MAP2: variants seen among roughly 807,000 people sequenced by gnomAD.
MAP2 encodes microtubule-associated protein 2.
MAP2 carries 14 observed loss-of-function variants against 137.6 expected under a neutral mutation model. That is an observed-to-expected ratio of 0.10 (90% confidence interval 0.07 to 0.16). The LOEUF is 0.16. Among genes scored for constraint, MAP2 ranks in the 10% least tolerant of loss-of-function variants. The pLI, the probability that MAP2 is intolerant of heterozygous loss-of-function variation, is 1.00. For synonymous variants in MAP2, 786 were observed against 782.3 expected (o/e 1.00, Z -0.08); for missense variants, 2,088 against 2,191.5 (o/e 0.95, Z 0.94).
chr2:209,639,392 T>C (rs980754726), intron 4 of MAP2, among the ~76,000 whole-genome samples: 4 of 152,062 alleles, frequency 2.6e-5, no homozygotes, highest in African/African-American at 9.7e-5. Flanking sequence ...GAGGATTAGG[T>C]TTTGTTTTAA....
At chr2:209,509,414 A>T (rs1348552405) in intron 2 of MAP2, among the ~76,000 whole-genome samples, 3 of 151,954 alleles carry the variant, frequency 2.0e-5, no homozygotes, top group African/African-American at 7.2e-5. Context: ...TGTACATATA[A>T]ATGGAAACAT....
intron 2 of MAP2, among the ~76,000 whole-genome samples, chr2:209,563,363 C>CA (rs146923921): frequency 0.02 from 2,992 of 152,116 alleles, 96 homozygotes; most frequent in African/African-American, 0.068. Context: ...AAAGTAACGG[C>CA]AAAAAATGCA....
chr2:209,598,543 AC>A (rs2082024861), intron 3 of MAP2, among the ~76,000 whole-genome samples: 3 of 148,786 alleles, frequency 2.0e-5, no homozygotes, highest in Non-Finnish European at 4.5e-5. Flanking sequence ...GGTGCGCTGC[AC>A]CCACTAACTC....
At position 209,696,591 on chromosome 2, in the gene MAP2, G is replaced by A. The variant is rs749672388; in HGVS notation, c.4230G>A (p.Glu1410=). The A allele has an allele frequency of 3.1e-6, 5 of 1,613,844 alleles. No homozygotes were observed. The highest frequency in any genetic ancestry group is 4.2e-6 in the Non-Finnish European group (5 of 1,179,938). The change falls in exon 9 of 16, where the codon GAG becomes GAA. Residue 1410 remains glutamate (E), a synonymous_variant. Coordinates refer to ENST00000682079, the MANE Select transcript of MAP2 (RefSeq NM_001375505.1). ...AACAGTTAGAAACTATTCCTAAAGA[G>A]GAGAAAGCTGAAAAGGAAGCTCGGA... ...MTEQLETIPK[E]EKAEKEARRS...
At chr2:209,727,245 C>G (rs968737385) in intron 14 of MAP2, among the ~76,000 whole-genome samples, 1 of 152,196 alleles carries the variant, frequency 6.6e-6, no homozygotes, top group Non-Finnish European at 1.5e-5. Context: ...TACTTCATAT[C>G]TTTGAAATTC....
intron 5 of MAP2, among the ~76,000 whole-genome samples, chr2:209,674,235 C>T (rs2050210378): frequency 6.6e-6 from 1 of 151,816 alleles, no homozygotes; most frequent in African/African-American, 2.4e-5. Context: ...ATCACTATTG[C>T]TCTTTCTTTA....
chr2:209,663,785 A>G (rs766792526), intron 5 of MAP2, among the ~76,000 whole-genome samples: 2 of 152,196 alleles, frequency 1.3e-5, no homozygotes, highest in East Asian at 1.9e-4. Context: ...GGTTCTTGCA[A>G]AGCATCTCCA....
chr2:209,704,842 A>T (rs1017000049), intron 11 of MAP2, among the ~76,000 whole-genome samples: 2 of 151,790 alleles, frequency 1.3e-5, no homozygotes, highest in Non-Finnish European at 2.9e-5. Context: ...TAGATATGCT[A>T]CCCATTATTA....
In MAP2 at chr2:209,627,385, G is replaced by A. The variant is rs528577570; in HGVS notation, c.-30+2256G>A. Among the ~76,000 whole-genome samples the A allele has an allele frequency of 3.5e-3, 536 of 152,170 alleles. 6 individuals carry two copies. Among genetic ancestry groups the A allele is most frequent in the African/African-American group, 0.012 (508 of 41,520 alleles). ...TTTTCTGAGAGAAGTAAATTATTTC[G>A]TCAAAGTTGGGGGAGGAAGAGGAAT... On this transcript the variant is annotated intron_variant, in intron 4 of 15. Transcript: ENST00000682079.
chr2:209,564,556 TAAA>T (rs757367849), intron 2 of MAP2, among the ~76,000 whole-genome samples: 22 of 56,002 alleles, frequency 3.9e-4, no homozygotes, highest in Admixed American at 2.0e-3. Context: ...CTCTGTGGAG[TAAA>T]AAAAAAAAAA....
At chr2:209,634,447 G>A (rs890174297) in intron 4 of MAP2, among the ~76,000 whole-genome samples, 5 of 152,078 alleles carry the variant, frequency 3.3e-5, no homozygotes, top group South Asian at 4.1e-4. Flanking sequence ...TCTTCCATGT[G>A]TGGCTTTGCT....
intron 4 of MAP2, among the ~76,000 whole-genome samples, chr2:209,646,432 C>T (rs1172006961): frequency 6.6e-6 from 1 of 152,134 alleles, no homozygotes; most frequent in Admixed American, 6.6e-5. Context: ...AGTATCTAGA[C>T]ACATACTCAA....
chr2:209,617,290 A>G (rs1229195770), intron 3 of MAP2, among the ~76,000 whole-genome samples: 1 of 152,174 alleles, frequency 6.6e-6, no homozygotes, highest in Non-Finnish European at 1.5e-5. Flanking sequence ...GAGCCCCAAC[A>G]TTAGCCAATG....
chr2:209,613,882 C>A (rs2087978576), intron 3 of MAP2, among the ~76,000 whole-genome samples: 1 of 152,154 alleles, frequency 6.6e-6, no homozygotes, highest in Non-Finnish European at 1.5e-5. Context: ...CAACAGCCCT[C>A]ACATTCCTTT....
intron 11 of MAP2, among the ~76,000 whole-genome samples, chr2:209,701,067 T>C (rs1290766041): frequency 6.6e-6 from 1 of 152,112 alleles, no homozygotes; most frequent in Non-Finnish European, 1.5e-5. Flanking sequence ...GTTCAGTTTG[T>C]ATGCTATTTC....
intron 1 of MAP2, among the ~76,000 whole-genome samples, chr2:209,502,264 A>T (rs2060471940): frequency 6.6e-6 from 1 of 151,940 alleles, no homozygotes; most frequent in East Asian, 1.9e-4. Flanking sequence ...CAACCTCCCC[A>T]CCTCCAGATA....
intron 13 of MAP2, among the ~76,000 whole-genome samples, chr2:209,725,360 T>C (rs1422505982): frequency 1.3e-5 from 2 of 152,224 alleles, no homozygotes; most frequent in Non-Finnish European, 2.9e-5. Flanking sequence ...AATGCAGCTC[T>C]TCCCTTGGCT....
At chr2:209,507,532 G>C (rs1165568881) in intron 1 of MAP2, 60 bp from the exon 2 acceptor site, 2 of 152,006 alleles carry the variant, frequency 1.3e-5, no homozygotes, top group African/African-American at 4.8e-5. Flanking sequence ...CTTAGTGAAA[G>C]AAAAAGCCAG....
chr2:209,489,941 A>G (rs927676279), intron 1 of MAP2, among the ~76,000 whole-genome samples: 3 of 152,188 alleles, frequency 2.0e-5, no homozygotes, highest in Admixed American at 6.5e-5. Context: ...AATACAAAGA[A>G]CACTGCAGAG....
Sources: allele counts gnomAD v4.1 joint callset (sites outside exome capture counted in the v4.1 genomes callset), GRCh38; gene constraint gnomAD v4.1.1; transcripts MANE v1.5; gene names NCBI Gene and HGNC (gene_info 2026-07-23, HGNC 2026-07-21).